The following HERC5 variants were observed in gnomAD, a reference collection of about 807,000 sequenced individuals.
HERC5 encodes the protein E3 ISG15--protein ligase HERC5.
In HERC5, 99 loss-of-function variants were observed where a neutral mutation model predicts 119.6. That is an observed-to-expected ratio of 0.83 (90% CI 0.70 to 0.98). HERC5 has a LOEUF of 0.98. Among genes scored for constraint, HERC5 ranks in the 50% least tolerant of loss-of-function variants. HERC5 has a pLI of 0.00. For missense variants in HERC5, 1,267 were observed against 1,241.3 expected (o/e 1.02, Z -0.31); for synonymous variants, 478 against 445.9 (o/e 1.07, Z -0.91).
Position 88,475,975 on chromosome 4 carries a change from G to A in HERC5, c.1527G>A (p.Val509=), listed in dbSNP as rs763323131. ...TTTCCAACAACTGGGAGAGCCTTGTGGTTCCATTTGCAAAGGTTGTTTGTA... is the reference window on the plus strand; with the variant it reads ...TTTCCAACAACTGGGAGAGCCTTGTAGTTCCATTTGCAAAGGTTGTTTGTA... ...MHISNNWESL[V]VPFAKVVCKM... Residue 509 remains valine (V), a synonymous_variant, in exon 12 of 23, where the codon GTG becomes GTA. Coordinates refer to ENST00000264350, the MANE Select transcript of HERC5 (RefSeq NM_016323.4). The A allele has an allele frequency of 6.2e-7, 1 of 1,613,944 alleles. No homozygotes were observed. Among genetic ancestry groups the A allele is most frequent in the South Asian group, 1.1e-5 (1 of 91,058 alleles).
Position 88,489,155 on chromosome 4 carries a change from T to A in HERC5, c.1963-11T>A. ...AAATGAAGTGTAATATTTCTGTTTCTGTTTTCCTAGAGTAAAAAACATAAA... is the reference window on the plus strand; with the variant it reads ...AAATGAAGTGTAATATTTCTGTTTCAGTTTTCCTAGAGTAAAAAACATAAA... On this transcript the variant is annotated splice_polypyrimidine_tract_variant and intron_variant, in intron 15 of 22. Coordinates refer to ENST00000264350, the MANE Select transcript of HERC5 (RefSeq NM_016323.4). 4 of 1,592,910 alleles carry A rather than the reference T, an allele frequency of 2.5e-6. No individual in the cohort carries two copies. The highest frequency in any genetic ancestry group is 3.4e-6 in the Non-Finnish European group (4 of 1,172,396).
intron 3 of HERC5, among the ~76,000 whole-genome samples, chr4:88,461,487 C>G (rs1740442176): frequency 6.6e-6 from 1 of 152,168 alleles, no homozygotes; most frequent in African/African-American, 2.4e-5. Flanking sequence ...AGGAGAGGCT[C>G]TGCTTCCCAC....
intron 22 of HERC5, among the ~76,000 whole-genome samples, 191 bp from the exon 23 acceptor site, chr4:88,505,482 A>G (rs924918157): frequency 1.3e-5 from 2 of 152,210 alleles, no homozygotes; most frequent in African/African-American, 2.4e-5. Flanking sequence ...ATTCCCAGTC[A>G]GACTTTAAGC....
In HERC5 at chr4:88,468,359, A is replaced by G. The variant is rs1188846689; in HGVS notation, c.1071A>G (p.Ser357=). ...GCATCCTTTCAGAAAGCCATACCTC[A>G]GAAAAGGAGTTAATAATGATTGCTG... ...SEELKLESHT[S]EKELIMIAGG... is the part of the protein sequence containing the mutation. Residue 357 remains serine (S), a synonymous_variant, in exon 8 of 23, where the codon TCA becomes TCG. Transcript: ENST00000264350. The G allele has an allele frequency of 6.2e-7, 1 of 1,610,386 alleles. No homozygotes were observed. Among genetic ancestry groups the G allele is most frequent in the African/African-American group, 1.3e-5 (1 of 74,782 alleles).
intron 8 of HERC5, among the ~76,000 whole-genome samples, chr4:88,468,732 C>T (rs1251486760): frequency 1.3e-5 from 2 of 152,158 alleles, no homozygotes; most frequent in African/African-American, 4.8e-5. Flanking sequence ...CTAAAAATGA[C>T]TTTGCAGGCC....
chr4:88,460,944 C>T (rs190894768), intron 3 of HERC5, among the ~76,000 whole-genome samples: 95 of 152,106 alleles, frequency 6.2e-4, no homozygotes, highest in African/African-American at 2.1e-3. Flanking sequence ...GAGCCATGAT[C>T]GTGCCACTGC....
In HERC5 at chr4:88,487,133, T is replaced by C. The variant is rs573916867; in HGVS notation, c.1916T>C (p.Leu639Pro). The C allele has an allele frequency of 5.0e-5, 80 of 1,610,308 alleles. No individual in the cohort carries two copies. The Middle Eastern group carries it at 5.3e-4, about 11-fold the overall frequency. ...CACTTTCCATTTATCTTTAATAATC[T>C]GTCGAAAATTAAACTACTACATACA... ...FSHFPFIFNNLSKIKLLHTDT... is the reference protein window; with the variant it reads ...FSHFPFIFNNPSKIKLLHTDT... The change falls in exon 15 of 23, where the codon CTG (leucine) becomes CCG (proline). Residue 639 changes from leucine to proline, a missense_variant. Around this residue, in one of 3 missense-constraint regions of HERC5, gnomAD observed 17 missense variants for 37.7 expected, o/e 0.45. Transcript: ENST00000264350.
At chr4:88,501,163 G>A (rs539510327) in intron 20 of HERC5, among the ~76,000 whole-genome samples, 178 bp downstream of exon 20, 40 of 152,206 alleles carry the variant, frequency 2.6e-4, no homozygotes, top group African/African-American at 8.9e-4. Flanking sequence ...TTATATTGTG[G>A]TAAGGAATGG....
intron 16 of HERC5, among the ~76,000 whole-genome samples, chr4:88,492,541 C>T (rs1442211336): frequency 6.6e-6 from 1 of 151,412 alleles, no homozygotes; most frequent in African/African-American, 2.4e-5. Flanking sequence ...GTCAGGAGTT[C>T]AAGAGCAGCC....
chr4:88,484,866 A>G (rs78431852), intron 13 of HERC5, among the ~76,000 whole-genome samples: 1 of 152,164 alleles, frequency 6.6e-6, no homozygotes. Flanking sequence ...TTTTGACCTG[A>G]TTATTCCATA....
chr4:88,462,572 C>G, intron 4 of HERC5, among the ~76,000 whole-genome samples: 1 of 152,118 alleles, frequency 6.6e-6, no homozygotes, highest in East Asian at 1.9e-4. Context: ...GTGTGTGAGA[C>G]GGGAAAGGGC....
Position 88,479,334 on chromosome 4 carries a change from C to A in HERC5, c.1583-19C>A. ...TAAAACTCATTTTTTAAAAAATTTG[C>A]TTTCCTTGTGTTCCTCAGAAGAGTA... On this transcript the variant is annotated intron_variant, in intron 12 of 22. Transcript: ENST00000264350. 6.6e-7 allele frequency: 1 copy of A among 1,509,032 alleles called. No homozygotes were observed. Among genetic ancestry groups the A allele is most frequent in the Non-Finnish European group, 8.9e-7 (1 of 1,126,128 alleles). 93.5% of individuals were successfully genotyped at this position (1,509,032 alleles called of 1,614,324 possible). A position where few individuals can be genotyped will look rare whatever the true frequency, so the allele number is the denominator to read the frequency against.
At chr4:88,505,593 G>C (rs1742080087) in intron 22 of HERC5, 80 bp from the exon 23 acceptor site, 1 of 815,364 alleles carries the variant, frequency 1.2e-6, no homozygotes, top group Non-Finnish European at 2.0e-6. Context: ...GAAGTTTTGT[G>C]AATAAATAGA....
Position 88,457,461 on chromosome 4 carries a change from G to T in HERC5, c.192G>T (p.Ala64=). The change falls in exon 1 of 23, where the codon GCG becomes GCT. Residue 64 remains alanine, a synonymous_variant. Transcript: ENST00000264350. ...TCTGCTGCTCGCCGGGGCGCCTCGC[G>T]GTCTTGGAACGCGGCGGGGCGGGCG... ...RQLCCSPGRL[A]VLERGGAGVQ... 2.2e-6 allele frequency: 3 copies of T among 1,336,072 alleles called. No homozygotes were observed. Among genetic ancestry groups the T allele is most frequent in the East Asian group, 5.7e-5 (2 of 34,802 alleles). The allele number at this position is 1,336,072 out of a possible 1,614,324, so 82.8% of individuals were successfully genotyped here.
intron 1 of HERC5, chr4:88,457,844 A>C (rs934917187): frequency 2.1e-6 from 2 of 944,092 alleles, no homozygotes; most frequent in African/African-American, 3.4e-5. Flanking sequence ...TTTCTGTTCA[A>C]GTTTGTACCC....
At chr4:88,499,245 C>T (rs910371319) in intron 18 of HERC5, among the ~76,000 whole-genome samples, 11 of 152,200 alleles carry the variant, frequency 7.2e-5, no homozygotes, top group African/African-American at 2.7e-4. Flanking sequence ...CTCAACTTTA[C>T]ATCCCCTATG....
rs369435919 is a variant in HERC5 at position 88,462,249 on chromosome 4, C to T, written c.581C>T (p.Ala194Val). 38 of 1,614,056 alleles carry T rather than the reference C, an allele frequency of 2.4e-5. No individual in the cohort carries two copies. The highest frequency in any genetic ancestry group is 3.1e-5 in the Non-Finnish European group (36 of 1,180,038). ...IVEHLAGVPL[A>V]QISAGEAHSM... ...GAGCACCTCGCAGGAGTACCCTTGG[C>T]TCAGATTTCTGCCGGAGAAGCCCAC... Residue 194 changes from alanine to valine, a missense_variant, in exon 4 of 23, where the codon GCT (alanine) becomes GTT (valine). This residue lies in a region of HERC5 where 777 missense variants were observed against 758.0 expected (regional missense o/e 1.03). Transcript: ENST00000264350.
intron 10 of HERC5, among the ~76,000 whole-genome samples, chr4:88,471,005 GTCGT>G (rs1423923446): frequency 1.3e-5 from 2 of 150,080 alleles, no homozygotes; most frequent in Non-Finnish European, 3.0e-5. Context: ...GTCTTGCCCT[GTCGT>G]TGCCCATGCT....
chr4:88,457,246 G>T lies in HERC5; in HGVS notation c.-24G>T. On this transcript the variant is annotated 5_prime_UTR_variant, in exon 1 of 23. Coordinates refer to ENST00000264350, the MANE Select transcript of HERC5 (RefSeq NM_016323.4). ...CAGGCGTTCTCTCCTCTCGCCTCTG[G>T]GCCTGGGACCCCGCAAAGCGGCGAT... The T allele has an allele frequency of 7.6e-7, 1 of 1,313,326 alleles. No homozygotes were observed. Among genetic ancestry groups the T allele is most frequent in the Non-Finnish European group, 9.7e-7 (1 of 1,031,076 alleles). The allele number at this position is 1,313,326 out of a possible 1,614,324, so 81.4% of individuals were successfully genotyped here. A position where few individuals can be genotyped will look rare whatever the true frequency, so the allele number is the denominator to read the frequency against.
Sources: allele counts gnomAD v4.1 joint callset (sites outside exome capture counted in the v4.1 genomes callset), GRCh38; gene constraint gnomAD v4.1.1; regional missense constraint gnomAD v4.1.1; transcripts MANE v1.5; gene names NCBI Gene and HGNC (gene_info 2026-07-23, HGNC 2026-07-21).